LYPD6B: variants seen among roughly 807,000 people sequenced by gnomAD.
LYPD6B encodes LY6/PLAUR domain containing 6B, also known as ly6/PLAUR domain-containing protein 6B.
Under a neutral mutation model 22.8 loss-of-function variants are expected in LYPD6B, and 17 were observed. That is an observed-to-expected ratio of 0.75 (90% CI 0.51 to 1.12). LYPD6B has a LOEUF of 1.12. Ranked by LOEUF, LYPD6B falls within the 50% of genes most tolerant of loss-of-function variation. The pLI is 0.00. For synonymous variants in LYPD6B, 106 were observed against 91.6 expected (o/e 1.16, Z -0.90); for missense variants, 221 against 258.3 (o/e 0.86, Z 0.99).
At chr2:149,176,465 C>G (rs1691315825) in intron 3 of LYPD6B, among the ~76,000 whole-genome samples, 1 of 152,138 alleles carries the variant, frequency 6.6e-6, no homozygotes, top group African/African-American at 2.4e-5. Flanking sequence ...AGGAGTCGAT[C>G]ATTAGTTTCA....
intron 2 of LYPD6B, 113 bp downstream of exon 2, chr2:149,131,066 G>T (rs1687998908): frequency 4.0e-6 from 3 of 745,286 alleles, no homozygotes; most frequent in East Asian, 2.5e-5. Flanking sequence ...TTGTGATCTG[G>T]AGTTTCATTA....
chr2:149,050,099 G>A (rs192365166), intron 1 of LYPD6B, among the ~76,000 whole-genome samples: 6 of 152,262 alleles, frequency 3.9e-5, no homozygotes, highest in Admixed American at 1.3e-4. Flanking sequence ...TCTGACAAGC[G>A]TAGTTTGTAT....
intron 1 of LYPD6B, among the ~76,000 whole-genome samples, chr2:149,121,433 G>C (rs1306750313): frequency 1.3e-5 from 2 of 152,162 alleles, no homozygotes; most frequent in Non-Finnish European, 2.9e-5. Context: ...AGTTCACATA[G>C]AGCTGATTTG....
chr2:149,178,043 T>C (rs1241154660), intron 3 of LYPD6B, among the ~76,000 whole-genome samples: 1 of 152,188 alleles, frequency 6.6e-6, no homozygotes, highest in East Asian at 1.9e-4. Flanking sequence ...AAAATTGAGA[T>C]TCCAAGAAGT....
intron 1 of LYPD6B, among the ~76,000 whole-genome samples, chr2:149,080,777 G>A (rs1349983465): frequency 6.8e-6 from 1 of 147,512 alleles, no homozygotes; most frequent in Non-Finnish European, 1.5e-5. Context: ...GGGAGGTGGA[G>A]GTTGCAGTGA....
At chr2:149,109,417 C>A (rs545834085) in intron 1 of LYPD6B, among the ~76,000 whole-genome samples, 2 of 152,148 alleles carry the variant, frequency 1.3e-5, no homozygotes, top group East Asian at 1.9e-4. Flanking sequence ...GCACAATTTG[C>A]CCTTTTCTCT....
At chr2:149,174,570 TTTA>T (rs949793774) in intron 3 of LYPD6B, among the ~76,000 whole-genome samples, 12 of 152,128 alleles carry the variant, frequency 7.9e-5, no homozygotes, top group African/African-American at 2.9e-4. Flanking sequence ...TAATACCTAG[TTTA>T]TTGAGAGTTT....
At chr2:149,159,379 G>A (rs1312237847) in intron 2 of LYPD6B, among the ~76,000 whole-genome samples, 1 of 152,110 alleles carries the variant, frequency 6.6e-6, no homozygotes, top group Admixed American at 6.6e-5. Flanking sequence ...CATGCTCAGA[G>A]CCTAATTTTT....
chr2:149,189,996 G>T (rs1692390519), intron 3 of LYPD6B, among the ~76,000 whole-genome samples: 1 of 152,112 alleles, frequency 6.6e-6, no homozygotes, highest in African/African-American at 2.4e-5. Context: ...TTTTGAATGA[G>T]TCATGCATTC....
At chr2:149,086,443 G>C (rs1436214497) in intron 1 of LYPD6B, among the ~76,000 whole-genome samples, 3 of 152,078 alleles carry the variant, frequency 2.0e-5, no homozygotes, top group Admixed American at 2.0e-4. Flanking sequence ...GAGCAGCCGT[G>C]GTCCCATGAG....
chr2:149,080,970 A>G (rs1401061056), intron 1 of LYPD6B, among the ~76,000 whole-genome samples: 2 of 151,788 alleles, frequency 1.3e-5, no homozygotes, highest in Non-Finnish European at 2.9e-5. Flanking sequence ...GTTAACTTAT[A>G]TGAAGTCAGT....
chr2:149,198,733 T>C (rs538516001), intron 3 of LYPD6B, among the ~76,000 whole-genome samples: 2 of 152,180 alleles, frequency 1.3e-5, no homozygotes, highest in African/African-American at 4.8e-5. Flanking sequence ...GAGTTACTTA[T>C]TTCTGATGAG....
intron 1 of LYPD6B, among the ~76,000 whole-genome samples, chr2:149,114,125 T>G (rs1026491261): frequency 6.6e-6 from 1 of 152,154 alleles, no homozygotes; most frequent in African/African-American, 2.4e-5. Flanking sequence ...TGTTTGGTAC[T>G]TTACTCACAT....
rs78185427 is a variant in LYPD6B, at chr2:149,084,864, T to C, written c.-66-46019T>C. Among the ~76,000 whole-genome samples the C allele has an allele frequency of 1.6e-4, 25 of 152,284 alleles. No individual in the cohort carries two copies. The East Asian group carries it at 4.8e-3, about 29-fold the overall frequency. ...TGAGTTTCTTCTGTGATTCATTTTG[T>C]CTCAAAGTTAGTTGTGGAATTCTTG... On this transcript the variant is annotated intron_variant, in intron 1 of 6. Transcript: ENST00000409642.
intron 6 of LYPD6B, 109 bp from the exon 7 acceptor site, chr2:149,214,437 T>C (rs1423989601): frequency 8.6e-7 from 1 of 1,166,542 alleles, no homozygotes; most frequent in South Asian, 1.5e-5. Context: ...CCAACTCCAA[T>C]TGTCTGTCTT....
At chr2:149,125,410 G>A (rs1687643254) in intron 1 of LYPD6B, among the ~76,000 whole-genome samples, 1 of 152,154 alleles carries the variant, frequency 6.6e-6, no homozygotes, top group Admixed American at 6.5e-5. Context: ...TCCACCCAGG[G>A]AAGCCACCCT....
At chr2:149,186,249 G>T (rs1692094992) in intron 3 of LYPD6B, among the ~76,000 whole-genome samples, 1 of 152,226 alleles carries the variant, frequency 6.6e-6, no homozygotes, top group Non-Finnish European at 1.5e-5. Flanking sequence ...TGCTACTCCA[G>T]TGAACTCATG....
chr2:149,040,604 A>G (rs1255547389), intron 1 of LYPD6B, among the ~76,000 whole-genome samples: 1 of 152,200 alleles, frequency 6.6e-6, no homozygotes, highest in Non-Finnish European at 1.5e-5. Context: ...TTTACACAAC[A>G]GGAATGGGCA....
chr2:149,213,774 C>A (rs770242701), intron 6 of LYPD6B, among the ~76,000 whole-genome samples: 1 of 152,280 alleles, frequency 6.6e-6, no homozygotes, highest in East Asian at 1.9e-4. Flanking sequence ...GGATGCAGGC[C>A]GGCAGGCTCT....
Sources: allele counts gnomAD v4.1 joint callset (sites outside exome capture counted in the v4.1 genomes callset), GRCh38; gene constraint gnomAD v4.1.1; transcripts MANE v1.5; gene names NCBI Gene and HGNC (gene_info 2026-07-23, HGNC 2026-07-21).